Variants in LNX1 observed in about 807,000 individuals in gnomAD.
LNX1 encodes ligand of numb-protein X 1.
In LNX1, 54 loss-of-function variants were observed where a neutral mutation model predicts 68.4. The ratio of observed to expected loss-of-function variants is 0.79; its 90% CI spans 0.63 to 0.99. The LOEUF is 0.99. Among genes scored for constraint, LNX1 ranks in the 50% least tolerant of loss-of-function variants. The pLI, the probability that LNX1 is intolerant of heterozygous loss-of-function variation, is 0.00. For missense variants in LNX1, 906 were observed against 926.4 expected (o/e 0.98, Z 0.29); for synonymous variants, 336 against 350.0 (o/e 0.96, Z 0.45).
intron 9 of LNX1, among the ~76,000 whole-genome samples, chr4:53,470,144 T>C (rs1723044164): frequency 6.6e-6 from 1 of 152,212 alleles, no homozygotes; most frequent in Admixed American, 6.5e-5. Flanking sequence ...TTATCCACCA[T>C]GATCAAGTGG....
chr4:53,599,142 G>T (rs985924514), intron 2 of LNX1, among the ~76,000 whole-genome samples: 9 of 152,176 alleles, frequency 5.9e-5, no homozygotes, highest in Admixed American at 2.0e-4. Context: ...TGAATAGGGG[G>T]TGTGTAAAAT....
intron 9 of LNX1, among the ~76,000 whole-genome samples, chr4:53,462,055 A>C (rs567027609): frequency 6.6e-6 from 1 of 152,120 alleles, no homozygotes; most frequent in Non-Finnish European, 1.5e-5. Flanking sequence ...ATGAATTCGT[A>C]TACTTTTTTT....
chr4:53,597,097 A>G (rs1210150549), intron 2 of LNX1, among the ~76,000 whole-genome samples: 1 of 152,092 alleles, frequency 6.6e-6, no homozygotes, highest in African/African-American at 2.4e-5. Flanking sequence ...TCAGCTTCCT[A>G]AGGACCTGGC....
At chr4:53,490,830 C>T (rs1019113132) in intron 6 of LNX1, among the ~76,000 whole-genome samples, 2 of 152,180 alleles carry the variant, frequency 1.3e-5, no homozygotes, top group Non-Finnish European at 2.9e-5. Context: ...AAATAAAATC[C>T]ACTCTTCAGA....
In LNX1 at chr4:53,573,978, C is replaced by G; in HGVS notation, c.25G>C (p.Asp9His). 6.2e-7 allele frequency: 1 copy of G among 1,612,510 alleles called. No homozygotes were observed. The highest frequency in any genetic ancestry group is 8.5e-7 in the Non-Finnish European group (1 of 1,179,156). The change falls in exon 2 of 11, where the codon GAT (aspartate) becomes CAT (histidine). Residue 9 changes from aspartate (D) to histidine (H), a missense_variant. Physicochemically the swap from Asp to His is moderately conservative, Grantham distance 81. Transcript: ENST00000263925. Reference protein sequence around the residue: MNQPESANDPEPLCAVCGQ... With the variant: MNQPESANHPEPLCAVCGQ... ...CACACTGCACACAGGGGTTCAGGAT[C>G]GTTGGCAGACTCTGGCTGGTTCATG...
Position 53,557,170 on chromosome 4 carries a change from A to G in LNX1, c.380+16453T>C, listed in dbSNP as rs577417097. On this transcript the variant is annotated intron_variant, in intron 2 of 10. Transcript: ENST00000263925. Reference sequence around the variant, plus strand: ...AGGCATTTCCTTGCATAAAATGGACATGTGTCATGTAGGAAATTGTCTTTA... The same window carrying G: ...AGGCATTTCCTTGCATAAAATGGACGTGTGTCATGTAGGAAATTGTCTTTA... Among the ~76,000 whole-genome samples the G allele has an allele frequency of 8.5e-5, 13 of 152,332 alleles. No individual in the cohort carries two copies. The East Asian group carries it at 1.2e-3, about 14-fold the overall frequency.
chr4:53,477,078 G>T, intron 8 of LNX1, 97 bp from the exon 9 acceptor site: 1 of 1,032,802 alleles, frequency 9.7e-7, no homozygotes, highest in African/African-American at 1.6e-5. Context: ...GGATTGCAGG[G>T]ATGCAGAGAG....
chr4:53,570,591 C>T (rs942010743), intron 2 of LNX1, among the ~76,000 whole-genome samples: 27 of 151,112 alleles, frequency 1.8e-4, no homozygotes, highest in African/African-American at 6.6e-4. Context: ...GTGCAGCACA[C>T]CAGCATGGCA....
intron 9 of LNX1, among the ~76,000 whole-genome samples, chr4:53,465,035 A>G (rs1722565459): frequency 6.6e-6 from 1 of 152,328 alleles, no homozygotes; most frequent in African/African-American, 2.4e-5. Flanking sequence ...ATTGTTATCA[A>G]GTTACATCCT....
intron 4 of LNX1, among the ~76,000 whole-genome samples, chr4:53,505,867 G>A (rs963308657): frequency 6.6e-6 from 1 of 152,212 alleles, no homozygotes; most frequent in Non-Finnish European, 1.5e-5. Context: ...GAACGTGAAT[G>A]CCAGCTGAAA....
chr4:53,637,415 T>C (rs1400508794), intron 1 of LNX1, among the ~76,000 whole-genome samples: 1 of 152,050 alleles, frequency 6.6e-6, no homozygotes, highest in Non-Finnish European at 1.5e-5. Flanking sequence ...TCCTTAGTAA[T>C]GTCAAAAGTA....
intron 2 of LNX1, among the ~76,000 whole-genome samples, chr4:53,538,101 TTAAAACAAAACAGAA>T (rs1296926351): frequency 6.6e-6 from 1 of 152,234 alleles, no homozygotes; most frequent in Non-Finnish European, 1.5e-5. Context: ...ATATGTTTCA[TTAAAACAAAACAGAA>T]CAAAACAAAA....
intron 6 of LNX1, among the ~76,000 whole-genome samples, chr4:53,494,524 C>A (rs921511454): frequency 2.0e-5 from 3 of 152,244 alleles, no homozygotes; most frequent in Non-Finnish European, 2.9e-5. Flanking sequence ...TCAAGATCTT[C>A]CTCCTCTGAG....
intron 9 of LNX1, among the ~76,000 whole-genome samples, chr4:53,465,094 G>C (rs1473069514): frequency 2.0e-5 from 3 of 152,092 alleles, no homozygotes; most frequent in Non-Finnish European, 4.4e-5. Flanking sequence ...TTTGCCCTTT[G>C]ATGTTATTGG....
At chr4:53,586,954 G>A (rs914972755) in intron 1 of LNX1, among the ~76,000 whole-genome samples, 2 of 152,050 alleles carry the variant, frequency 1.3e-5, no homozygotes, top group African/African-American at 4.8e-5. Context: ...TTACAGATGA[G>A]TGTATGTGCA....
intron 2 of LNX1, among the ~76,000 whole-genome samples, chr4:53,530,618 C>T (rs1727947078): frequency 6.6e-6 from 1 of 152,060 alleles, no homozygotes. Context: ...TACTTTGAAT[C>T]AGTAATTTTA....
intron 2 of LNX1, among the ~76,000 whole-genome samples, chr4:53,516,750 G>C (rs1329479794): frequency 6.6e-6 from 1 of 152,216 alleles, no homozygotes; most frequent in African/African-American, 2.4e-5. Flanking sequence ...GATAAACCCA[G>C]GATACCTGAT....
At chr4:53,644,816 G>C (rs1265739915) in intron 1 of LNX1, among the ~76,000 whole-genome samples, 1 of 152,202 alleles carries the variant, frequency 6.6e-6, no homozygotes, top group African/African-American at 2.4e-5. Flanking sequence ...CAGAGAACCA[G>C]TTTGGTGAGG....
intron 1 of LNX1, among the ~76,000 whole-genome samples, chr4:53,630,962 C>T (rs1044042840): frequency 1.3e-5 from 2 of 152,210 alleles, no homozygotes; most frequent in African/African-American, 4.8e-5. Flanking sequence ...TCAGGGCTTA[C>T]CTGGTTGCAG....
Sources: allele counts gnomAD v4.1 joint callset (sites outside exome capture counted in the v4.1 genomes callset), GRCh38; gene constraint gnomAD v4.1.1; transcripts MANE v1.5; gene names NCBI Gene and HGNC (gene_info 2026-07-23, HGNC 2026-07-21).